Variants in SHISA6 observed in about 807,000 individuals in gnomAD.
SHISA6 encodes protein shisa-6.
Under a neutral mutation model 47.9 loss-of-function variants are expected in SHISA6, and 22 were observed. The observed-to-expected ratio is 0.46, with a 90% CI of 0.33 to 0.66. The LOEUF is 0.66. Ranked by LOEUF, SHISA6 falls within the 30% of genes least tolerant of loss-of-function variation. The pLI is 0.02. For missense variants in SHISA6, 680 were observed against 764.6 expected, an observed-to-expected ratio of 0.89 and a Z score of 1.30; for synonymous variants, 388 against 337.8, an observed-to-expected ratio of 1.15 and a Z score of -1.63.
chr17:11,244,313 G>A (rs1321959757), intron 1 of SHISA6, among the ~76,000 whole-genome samples: 1 of 152,162 alleles, frequency 6.6e-6, no homozygotes, highest in African/African-American at 2.4e-5. Flanking sequence ...GTGCCTGTTG[G>A]GTAGGGGACA....
chr17:11,479,746 T>C (rs759789318), intron 3 of SHISA6, among the ~76,000 whole-genome samples: 1 of 151,832 alleles, frequency 6.6e-6, no homozygotes, highest in African/African-American at 2.4e-5. Context: ...AGCATATATA[T>C]ATAATATATA....
chr17:11,458,547 C>G (rs1915611002), intron 3 of SHISA6, among the ~76,000 whole-genome samples: 1 of 152,178 alleles, frequency 6.6e-6, no homozygotes, highest in Admixed American at 6.5e-5. Flanking sequence ...TAGAAAGGAT[C>G]TGCTCTCCTG....
chr17:11,439,991 G>C (rs1245041408), intron 3 of SHISA6, among the ~76,000 whole-genome samples: 1 of 152,186 alleles, frequency 6.6e-6, no homozygotes, highest in Admixed American at 6.5e-5. Flanking sequence ...AACCCAGGTG[G>C]GGAATAGTAG....
At chr17:11,440,492 A>T (rs1279058702) in intron 3 of SHISA6, among the ~76,000 whole-genome samples, 1 of 151,434 alleles carries the variant, frequency 6.6e-6, no homozygotes, top group Non-Finnish European at 1.5e-5. Flanking sequence ...GGAGTATGGG[A>T]CAGAGAATGG....
At chr17:11,274,820 T>G (rs1327838267) in intron 2 of SHISA6, among the ~76,000 whole-genome samples, 1 of 152,068 alleles carries the variant, frequency 6.6e-6, no homozygotes, top group Non-Finnish European at 1.5e-5. Context: ...CCTCCAGAAT[T>G]ATAGGCCACA....
Position 11,241,977 on chromosome 17 carries a change from C to T in SHISA6, c.555C>T (p.Ile185=), listed in dbSNP as rs1171831936. ...NFTVYITCGV[I]AFVIVAGVFA... ...CCGTCTACATCACCTGCGGGGTGAT[C>T]GCCTTCGTCATCGTGGCCGGCGTCT... Residue 185 remains isoleucine (I), a synonymous_variant, in exon 1 of 6, where the codon ATC becomes ATT. Transcript: ENST00000441885. This position sits in a 1 kb window ranked among gnomAD's most constrained non-coding sequence, Gnocchi z 5.5. The T allele has an allele frequency of 6.4e-6, 10 of 1,550,928 alleles. No homozygotes were observed. Among genetic ancestry groups the T allele is most frequent in the Middle Eastern group, 1.7e-4 (1 of 6,014 alleles).
At chr17:11,337,860 T>G (rs990852500) in intron 2 of SHISA6, among the ~76,000 whole-genome samples, 2 of 152,156 alleles carry the variant, frequency 1.3e-5, no homozygotes, top group African/African-American at 4.8e-5. Context: ...TAATAATTAT[T>G]AGTCAAATGA....
At chr17:11,386,140 C>T (rs1385337653) in intron 3 of SHISA6, among the ~76,000 whole-genome samples, 2 of 152,068 alleles carry the variant, frequency 1.3e-5, no homozygotes, top group South Asian at 2.1e-4. Context: ...AAGTGGGAGG[C>T]CAAGGAGGGC....
intron 3 of SHISA6, among the ~76,000 whole-genome samples, chr17:11,436,337 G>A (rs969016953): frequency 2.0e-5 from 3 of 152,142 alleles, no homozygotes; most frequent in African/African-American, 7.2e-5. Flanking sequence ...TTTTGTTTCA[G>A]CTACCCAGTC....
At chr17:11,385,874 A>G (rs1377780527) in intron 3 of SHISA6, among the ~76,000 whole-genome samples, 4 of 152,086 alleles carry the variant, frequency 2.6e-5, no homozygotes, top group African/African-American at 9.7e-5. Flanking sequence ...AAAGGGAGCA[A>G]TCAGCTATTA....
At chr17:11,329,113 C>A (rs117283977) in intron 2 of SHISA6, among the ~76,000 whole-genome samples, 1 of 152,292 alleles carries the variant, frequency 6.6e-6, no homozygotes, top group East Asian at 1.9e-4. Context: ...ATTGCAATTG[C>A]CTGTATTCAA....
At chr17:11,318,059 A>T (rs896603922) in intron 2 of SHISA6, among the ~76,000 whole-genome samples, 1 of 151,986 alleles carries the variant, frequency 6.6e-6, no homozygotes, top group Non-Finnish European at 1.5e-5. Context: ...ATAAATAGTA[A>T]ATTTTTTTTA....
intron 2 of SHISA6, among the ~76,000 whole-genome samples, chr17:11,295,346 C>A (rs1246513256): frequency 1.3e-5 from 2 of 152,138 alleles, no homozygotes; most frequent in Non-Finnish European, 2.9e-5. Context: ...AAGTCTCAGG[C>A]CCATGATGGA....
intron 2 of SHISA6, among the ~76,000 whole-genome samples, chr17:11,270,394 C>A (rs1003752817): frequency 1.3e-5 from 2 of 152,212 alleles, no homozygotes; most frequent in Non-Finnish European, 2.9e-5. Flanking sequence ...CAGGAAGACA[C>A]CCTCCTATAG....
At chr17:11,401,416 C>T (rs751768047) in intron 3 of SHISA6, among the ~76,000 whole-genome samples, 18 of 152,136 alleles carry the variant, frequency 1.2e-4, no homozygotes, top group Non-Finnish European at 2.2e-4. Flanking sequence ...CCAGGCTGGC[C>T]TCAAACTCCT....
intron 3 of SHISA6, among the ~76,000 whole-genome samples, chr17:11,445,975 G>A (rs1434092333): frequency 6.6e-6 from 1 of 152,172 alleles, no homozygotes; most frequent in Non-Finnish European, 1.5e-5. Context: ...CTATAGGCAG[G>A]TGCCACCACG....
chr17:11,495,993 T>C (rs372821919), intron 3 of SHISA6, among the ~76,000 whole-genome samples: 4 of 148,736 alleles, frequency 2.7e-5, no homozygotes, highest in Admixed American at 6.7e-5. Context: ...ATTTATCCAT[T>C]CATCCATCCA....
chr17:11,272,788 A>G (rs971322918), intron 2 of SHISA6, among the ~76,000 whole-genome samples: 4 of 152,210 alleles, frequency 2.6e-5, no homozygotes, highest in African/African-American at 9.6e-5. Flanking sequence ...GGGGAACAGT[A>G]GGTCATATGG....
intron 2 of SHISA6, among the ~76,000 whole-genome samples, chr17:11,326,546 A>G (rs1910902872): frequency 6.6e-6 from 1 of 152,144 alleles, no homozygotes; most frequent in South Asian, 2.1e-4. Context: ...AAGCTCATTT[A>G]CTCAACCATT....
Sources: allele counts gnomAD v4.1 joint callset (sites outside exome capture counted in the v4.1 genomes callset), GRCh38; gene constraint gnomAD v4.1.1; non-coding constraint Gnocchi (gnomAD v3.1); transcripts MANE v1.5; gene names NCBI Gene and HGNC (gene_info 2026-07-23, HGNC 2026-07-21).